The following PDK4 variants were observed in gnomAD, a reference collection of about 807,000 sequenced individuals.
The protein encoded by PDK4 is pyruvate dehydrogenase kinase 4.
In PDK4, 43 loss-of-function variants were observed where a neutral mutation model predicts 51.7. The observed-to-expected ratio is 0.83, with a 90% CI of 0.65 to 1.07. The LOEUF (loss-of-function observed/expected upper bound fraction) is 1.07, where lower values mean the gene tolerates loss of function less well. Ranked by LOEUF, PDK4 falls within the 50% of genes least tolerant of loss-of-function variation. The pLI, the probability that PDK4 is intolerant of heterozygous loss-of-function variation, is 0.00. For missense variants in PDK4, 498 were observed against 503.5 expected, an observed-to-expected ratio of 0.99 and a Z score of 0.10; for synonymous variants, 170 against 176.6, an observed-to-expected ratio of 0.96 and a Z score of 0.30.
intron 2 of PDK4, among the ~76,000 whole-genome samples, chr7:95,594,272 A>C (rs1791587238): frequency 6.6e-6 from 1 of 152,140 alleles, no homozygotes; most frequent in South Asian, 2.1e-4. Context: ...GGTCTCATGC[A>C]TGTCTGCTAC....
At chr7:95,589,426 T>C (rs1004449605) in intron 7 of PDK4, among the ~76,000 whole-genome samples, 3 of 152,252 alleles carry the variant, frequency 2.0e-5, no homozygotes, top group Non-Finnish European at 4.4e-5. Flanking sequence ...TCATGAATTG[T>C]ATGATGCATT....
Position 95,587,841 on chromosome 7 carries a change from C to A in PDK4, c.772-16G>T. 1 of 1,540,810 alleles carries A rather than the reference C, an allele frequency of 6.5e-7. No individual in the cohort carries two copies. Among genetic ancestry groups the A allele is most frequent in the South Asian group, 1.1e-5 (1 of 89,054 alleles). ...GCATTGCATTCTAAAACAAAGCAAACCATAAGGAATTCAATGGCAGAGGAA... is the reference window on the plus strand; with the variant it reads ...GCATTGCATTCTAAAACAAAGCAAAACATAAGGAATTCAATGGCAGAGGAA... On this transcript the variant is annotated splice_polypyrimidine_tract_variant and intron_variant, in intron 7 of 10. Transcript: ENST00000005178.
intron 6 of PDK4, among the ~76,000 whole-genome samples, chr7:95,590,005 C>T (rs985907417): frequency 1.2e-4 from 19 of 152,026 alleles, no homozygotes; most frequent in East Asian, 1.9e-4. Context: ...TGGCCTCAAG[C>T]GATCCTCCAG....
At chr7:95,589,995 T>C (rs1432874528) in intron 6 of PDK4, among the ~76,000 whole-genome samples, 1 of 152,172 alleles carries the variant, frequency 6.6e-6, no homozygotes, top group Non-Finnish European at 1.5e-5. Flanking sequence ...CTTAAACTCC[T>C]GGCCTCAAGC....
intron 1 of PDK4, 80 bp from the exon 2 acceptor site, chr7:95,595,244 T>C (rs1791603924): frequency 2.3e-6 from 2 of 886,344 alleles, no homozygotes; most frequent in South Asian, 3.3e-5. Context: ...CTATCAAATA[T>C]TGAACACACA....
At position 95,587,713 on chromosome 7, in the gene PDK4, CAG is replaced by C. The variant is rs1562836752; in HGVS notation, c.870+12_870+13del. 3 of 1,555,370 alleles carry C rather than the reference CAG, an allele frequency of 1.9e-6. No individual in the cohort carries two copies. Among genetic ancestry groups the C allele is most frequent in the Non-Finnish European group, 2.7e-6 (3 of 1,126,712 alleles). The stretch of plus-strand genomic sequence containing the variant: ...TCTCAAGAGACACCCAAAAGGAAAA[CAG>C]AGAATGGTTACCTTAATGGTAAGGT... On this transcript the variant is annotated intron_variant, in intron 8 of 10. Transcript: ENST00000005178.
Position 95,593,694 on chromosome 7 carries a change from CT to C in PDK4, c.344+4del. The C allele has an allele frequency of 7.1e-7, 1 of 1,417,696 alleles. No homozygotes were observed. The highest frequency in any genetic ancestry group is 1.0e-6 in the Non-Finnish European group (1 of 1,001,294). The allele number at this position is 1,417,696 out of a possible 1,614,324, so 87.8% of individuals were successfully genotyped here. A position where few individuals can be genotyped will look rare whatever the true frequency, so the allele number is the denominator to read the frequency against. On this transcript the variant is annotated splice_donor_region_variant and intron_variant, in intron 3 of 10. Transcript: ENST00000005178. ...TAAACACTTATTCTAATGCATAGAG[CT>C]TACTCTGATAATGCTTTCTGGTCAT...
rs1791470952 is a variant in PDK4, at chr7:95,585,577, C to T, written c.*64G>A. The T allele has an allele frequency of 7.2e-7, 1 of 1,385,164 alleles. No homozygotes were observed. Among genetic ancestry groups the T allele is most frequent in the African/African-American group, 1.4e-5 (1 of 69,532 alleles). The allele number at this position is 1,385,164 out of a possible 1,614,324, so 85.8% of individuals were successfully genotyped here. A position where few individuals can be genotyped will look rare whatever the true frequency, so the allele number is the denominator to read the frequency against. On this transcript the variant is annotated 3_prime_UTR_variant, in exon 11 of 11. Coordinates refer to ENST00000005178, the MANE Select transcript of PDK4 (RefSeq NM_002612.4). The stretch of plus-strand genomic sequence containing the variant: ...GAGGAAACAAGGGTTCACACACAAA[C>T]ATTCAGGAAGCAGCACTGGTGTAGA...
chr7:95,593,825 G>A, intron 2 of PDK4, 55 bp from the exon 3 acceptor site: 1 of 740,896 alleles, frequency 1.3e-6, no homozygotes, highest in Non-Finnish European at 2.3e-6. Flanking sequence ...GATACAAATG[G>A]CTGAAAATAG....
At chr7:95,588,697 T>A (rs1041849922) in intron 7 of PDK4, among the ~76,000 whole-genome samples, 1 of 152,210 alleles carries the variant, frequency 6.6e-6, no homozygotes, top group African/African-American at 2.4e-5. Context: ...CAGATTTGTC[T>A]TTTTTAGGCT....
Position 95,593,735 on chromosome 7 carries a change from T to C in PDK4, c.308A>G (p.His103Arg). Residue 103 changes from histidine to arginine, a missense_variant, in exon 3 of 11, where the codon CAT becomes CGT. Coordinates refer to ENST00000005178, the MANE Select transcript of PDK4 (RefSeq NM_002612.4). ...TTTCTGGTCATCTGGGCTTTTCTCA[T>C]GGAATTCCACCAAATCCATCAGGCT... The part of the protein sequence containing the change: ...IQSLMDLVEF[H>R]EKSPDDQKAL... The C allele has an allele frequency of 1.3e-6, 2 of 1,569,696 alleles. No individual in the cohort carries two copies. Among genetic ancestry groups the C allele is most frequent in the South Asian group, 1.1e-5 (1 of 90,128 alleles).
chr7:95,591,122 G>T (rs1298303840), intron 6 of PDK4, among the ~76,000 whole-genome samples: 4 of 152,024 alleles, frequency 2.6e-5, no homozygotes, highest in African/African-American at 7.3e-5. Flanking sequence ...TTTTTGTAGA[G>T]ACAGTGTCTC....
chr7:95,590,739 T>C (rs56662813), intron 6 of PDK4, among the ~76,000 whole-genome samples: 2,001 of 152,354 alleles, frequency 0.013, 48 homozygotes, highest in African/African-American at 0.045. Context: ...TGTTCCTGTA[T>C]AAATATTACT....
intron 5 of PDK4, 86 bp from the exon 6 acceptor site, chr7:95,592,151 T>C: frequency 1.6e-6 from 1 of 630,318 alleles, no homozygotes; most frequent in Non-Finnish European, 2.7e-6. Context: ...TGTATTACCC[T>C]AATCTAAAAT....
Position 95,584,573 on chromosome 7 carries a change from T to C in PDK4, c.*1068A>G, listed in dbSNP as rs186597938. ...ACTCTAAAAGGTACTTAAATTCTAA[T>C]GTTCTTGAGCCATTTGAGAATTAGT... On this transcript the variant is annotated 3_prime_UTR_variant, in exon 11 of 11. Coordinates refer to ENST00000005178, the MANE Select transcript of PDK4 (RefSeq NM_002612.4). 1 of 152,194 alleles carries C rather than the reference T, an allele frequency of 6.6e-6. No individual in the cohort carries two copies. Among genetic ancestry groups the C allele is most frequent in the African/African-American group, 2.4e-5 (1 of 41,442 alleles). 9.4% of individuals were successfully genotyped at this position (152,194 alleles called of 1,614,324 possible).
At chr7:95,595,486 C>T (rs1378721470) in intron 1 of PDK4, among the ~76,000 whole-genome samples, 2 of 152,132 alleles carry the variant, frequency 1.3e-5, no homozygotes, top group African/African-American at 4.8e-5. Context: ...AGGATTCGGT[C>T]ACACCACAAT....
chr7:95,591,313 G>A (rs569850853), intron 6 of PDK4, among the ~76,000 whole-genome samples: 14 of 148,664 alleles, frequency 9.4e-5, no homozygotes, highest in South Asian at 4.2e-4. Flanking sequence ...TTGTATTGGG[G>A]TGGAGACATT....
At position 95,592,026 on chromosome 7, in the gene PDK4, T is replaced by C; in HGVS notation, c.656A>G (p.Tyr219Cys). Reference sequence around the variant, plus strand: ...AAGCTTTAATTCTGGAGATGATAAATAATACTGATCACAGAGCATCCTTGA... The same window carrying C: ...AAGCTTTAATTCTGGAGATGATAAACAATACTGATCACAGAGCATCCTTGA... The part of the protein sequence containing the change: ...ECSRMLCDQY[Y>C]LSSPELKLTQ... Residue 219 changes from tyrosine to cysteine, a missense_variant, in exon 6 of 11, where the codon TAT (tyrosine) becomes TGT (cysteine). By Grantham distance (194) the Tyr-to-Cys change is radical (BLOSUM62 -2). Transcript: ENST00000005178. 6.3e-7 allele frequency: 1 copy of C among 1,581,402 alleles called. No homozygotes were observed.
chr7:95,592,585 C>T lies in PDK4; in HGVS notation c.542G>A (p.Ser181Asn). 6.2e-7 allele frequency: 1 copy of T among 1,603,724 alleles called. No homozygotes were observed. Among genetic ancestry groups the T allele is most frequent in the Non-Finnish European group, 8.5e-7 (1 of 1,170,822 alleles). The change falls in exon 5 of 11, where the codon AGT becomes AAT. Residue 181 changes from serine (S) to asparagine (N), a missense_variant. Ser to Asn is a conservative substitution (Grantham distance 46). Transcript: ENST00000005178. ...MLMNQHILIF[S>N]DSQTGNPSHI... ...GCTTGGGTTTCCTGTCTGTGAGTCA[C>T]TAAATATAAGAACTGTTGAAAAATA...
Sources: allele counts gnomAD v4.1 joint callset (sites outside exome capture counted in the v4.1 genomes callset), GRCh38; gene constraint gnomAD v4.1.1; transcripts MANE v1.5; gene names NCBI Gene and HGNC (gene_info 2026-07-23, HGNC 2026-07-21).